The following UBR4 variants were observed in gnomAD, a reference collection of about 807,000 sequenced individuals.
UBR4 encodes E3 ubiquitin-protein ligase UBR4.
A neutral mutation model predicts 575.6 loss-of-function variants in UBR4; 124 were observed. That is an observed-to-expected ratio of 0.22 (90% confidence interval 0.19 to 0.25). The LOEUF is 0.25. Ranked by LOEUF, UBR4 falls within the 10% of genes least tolerant of loss-of-function variation. The pLI is 1.00. For missense variants in UBR4, 4,818 were observed against 6,478.8 expected (o/e 0.74, Z 8.80); for synonymous variants, 2,455 against 2,473.7 (o/e 0.99, Z 0.22).
chr1:19,128,461 G>C, intron 61 of UBR4, 143 bp from the exon 62 acceptor site: 1 of 698,690 alleles, frequency 1.4e-6, no homozygotes, highest in South Asian at 2.1e-5. Context: ...CTAAATTCCA[G>C]GTATCCAAAG....
At chr1:19,190,103 A>G (rs1051963602) in intron 11 of UBR4, among the ~76,000 whole-genome samples, 1 of 151,200 alleles carries the variant, frequency 6.6e-6, no homozygotes, top group African/African-American at 2.4e-5. Flanking sequence ...CCTAGCCAAC[A>G]TGGCGAAACC....
chr1:19,089,079 C>A lies in UBR4; in HGVS notation c.14212-102G>T. 8.8e-7 allele frequency: 1 copy of A among 1,131,480 alleles called. No individual in the cohort carries two copies. Among genetic ancestry groups the A allele is most frequent in the African/African-American group, 1.5e-5 (1 of 64,730 alleles). The allele number at this position is 1,131,480 out of a possible 1,614,324, so 70.1% of individuals were successfully genotyped here. ...GAAACTCAACCAGCATGCACCATCT[C>A]ATGTCACCTGCTCAGCTGCAATCAG... On this transcript the variant is annotated intron_variant, in intron 97 of 105. Coordinates refer to ENST00000375254, the MANE Select transcript of UBR4 (RefSeq NM_020765.3). This position sits in a 1 kb window ranked among gnomAD's most constrained non-coding sequence, Gnocchi z 4.3.
intron 1 of UBR4, among the ~76,000 whole-genome samples, chr1:19,208,922 T>C (rs903485917): frequency 6.6e-6 from 1 of 152,244 alleles, no homozygotes; most frequent in South Asian, 2.1e-4. Context: ...GTAGTATATT[T>C]GAAACCTGTT....
At chr1:19,151,898 G>A in intron 47 of UBR4, 39 bp from the exon 48 acceptor site, 1 of 1,511,994 alleles carries the variant, frequency 6.6e-7, no homozygotes, top group South Asian at 1.3e-5. Context: ...AACTACAGAA[G>A]TTCTTAAGTT....
rs1168120218 is a variant in UBR4 at position 19,164,785 on chromosome 1, TG to T, written c.4511+13del. ...GGTTGCTAGGGAAACACGACAGAAATGTAGTTGTTCTACCTGTTTTCCCGAA... is the reference window on the plus strand; with the variant it reads ...GGTTGCTAGGGAAACACGACAGAAATTAGTTGTTCTACCTGTTTTCCCGAA... On this transcript the variant is annotated intron_variant, in intron 32 of 105. Transcript: ENST00000375254. 6.8e-6 allele frequency: 11 copies of T among 1,611,736 alleles called. No individual in the cohort carries two copies. The highest frequency in any genetic ancestry group is 9.3e-6 in the Non-Finnish European group (11 of 1,178,086).
chr1:19,154,881 A>T (rs2086235928), intron 44 of UBR4, 37 bp downstream of exon 44: 1 of 1,612,236 alleles, frequency 6.2e-7, no homozygotes, highest in African/African-American at 1.3e-5. Flanking sequence ...TTGAATGTGG[A>T]CATTGCGGAA....
rs774842241 is a variant in UBR4, at chr1:19,156,955, T to C, written c.5761-30A>G. ...AAAGGAACAATGACTAATTTATTCC[T>C]ACTCCTGGTCCTCTCAGAGAAGTCA... On this transcript the variant is annotated intron_variant, in intron 40 of 105. Transcript: ENST00000375254. The C allele has an allele frequency of 1.5e-5, 24 of 1,606,268 alleles. No homozygotes were observed. The East Asian group carries it at 4.9e-4, about 33-fold the overall frequency.
intron 11 of UBR4, 143 bp downstream of exon 11, chr1:19,192,045 C>A: frequency 1.3e-6 from 1 of 767,856 alleles, no homozygotes; most frequent in Non-Finnish European, 2.1e-6. Flanking sequence ...GATAACAGGT[C>A]ATGATCATTA....
At chr1:19,128,136 T>C in intron 62 of UBR4, 75 bp downstream of exon 62, 2 of 1,413,050 alleles carry the variant, frequency 1.4e-6, no homozygotes, top group East Asian at 2.3e-5. Flanking sequence ...GAAGTTCCTC[T>C]ATGAAACGAA....
Position 19,164,962 on chromosome 1 carries a change from A to G in UBR4, c.4348T>C (p.Cys1450Arg). The change falls in exon 32 of 106, where the codon TGT (cysteine) becomes CGT (arginine). Residue 1450 changes from cysteine to arginine, a missense_variant. By Grantham distance (180) the Cys-to-Arg change is radical. Around this residue, in one of 29 missense-constraint regions of UBR4, gnomAD observed 1,172 missense variants for 1,259.7 expected, o/e 0.93. Transcript: ENST00000375254. ...CAGGCCAGTTGTGCCAGGGAGCCACAGAGATGCAACAGGCTCGGGTTAGGG... is the reference window on the plus strand; with the variant it reads ...CAGGCCAGTTGTGCCAGGGAGCCACGGAGATGCAACAGGCTCGGGTTAGGG... ...KSPNPSLLHL[C>R]GSLAQLACVE... The G allele has an allele frequency of 3.7e-6, 6 of 1,614,156 alleles. No homozygotes were observed. Among genetic ancestry groups the G allele is most frequent in the Non-Finnish European group, 5.1e-6 (6 of 1,180,026 alleles).
chr1:19,090,869 C>T (rs1043549445), intron 97 of UBR4, among the ~76,000 whole-genome samples: 6 of 152,064 alleles, frequency 3.9e-5, no homozygotes, highest in Non-Finnish European at 8.8e-5. Context: ...CTGAGGGGAG[C>T]GGATCACCTG....
intron 17 of UBR4, among the ~76,000 whole-genome samples, chr1:19,180,509 ACTT>A (rs370392898): frequency 0.013 from 1,880 of 147,512 alleles, 27 homozygotes; most frequent in African/African-American, 0.036. Flanking sequence ...GTCATAAACA[ACTT>A]CTTAATTCCT....
At chr1:19,179,294 A>C in intron 17 of UBR4, 74 bp from the exon 18 acceptor site, 14 of 1,409,686 alleles carry the variant, frequency 9.9e-6, no homozygotes, top group Non-Finnish European at 1.2e-5. Flanking sequence ...TCATGTTCTC[A>C]AACGTTTGTT....
intron 27 of UBR4, among the ~76,000 whole-genome samples, chr1:19,168,842 G>A (rs1331775269): frequency 6.6e-6 from 1 of 152,096 alleles, no homozygotes; most frequent in African/African-American, 2.4e-5. Context: ...GCTGGGCGTG[G>A]TGGTGGGCGC....
intron 7 of UBR4, 23 bp downstream of exon 7, chr1:19,197,647 A>T: frequency 6.2e-7 from 1 of 1,612,998 alleles, no homozygotes; most frequent in Non-Finnish European, 8.5e-7. Context: ...AAAGTAAAGC[A>T]TGTGCACTGT....
chr1:19,210,205 G>T lies in UBR4; in HGVS notation c.44C>A (p.Ala15Glu), dbSNP rs2093251575. 2.1e-6 allele frequency: 3 copies of T among 1,459,730 alleles called. No individual in the cohort carries two copies. The highest frequency in any genetic ancestry group is 5.7e-5 in the East Asian group (2 of 35,392). The allele number at this position is 1,459,730 out of a possible 1,614,324, so 90.4% of individuals were successfully genotyped here. A position where few individuals can be genotyped will look rare whatever the true frequency, so the allele number is the denominator to read the frequency against. ...CGCCCCCGTTGCCGGGGTCCCCGGC[G>T]CCGGAGCCGCTGCCGCCGCCTCTTC... ...GGEEAAAAAP[A>E]PGTPATGADT... The change falls in exon 1 of 106, where the codon GCG becomes GAG. Residue 15 changes from alanine (A) to glutamate (E), a missense_variant. Ala to Glu is a moderately radical substitution (Grantham distance 107, BLOSUM62 -1). Transcript: ENST00000375254.
chr1:19,164,561 A>T, intron 32 of UBR4, 120 bp from the exon 33 acceptor site: 1 of 1,234,162 alleles, frequency 8.1e-7, no homozygotes. Context: ...CCAGCTTTGG[A>T]CTTGGGCTAG....
chr1:19,182,344 A>T (rs2091055527), intron 17 of UBR4, among the ~76,000 whole-genome samples: 1 of 148,914 alleles, frequency 6.7e-6, no homozygotes. Flanking sequence ...TAGTAATTCT[A>T]TTTTTTTTTT....
At chr1:19,186,165 A>T (rs913896206) in intron 14 of UBR4, among the ~76,000 whole-genome samples, 2 of 152,212 alleles carry the variant, frequency 1.3e-5, no homozygotes, top group Non-Finnish European at 2.9e-5. Context: ...AACTATGACT[A>T]TGATAACATC....
Sources: allele counts gnomAD v4.1 joint callset (sites outside exome capture counted in the v4.1 genomes callset), GRCh38; gene constraint gnomAD v4.1.1; regional missense constraint gnomAD v4.1.1; non-coding constraint Gnocchi (gnomAD v3.1); transcripts MANE v1.5; gene names NCBI Gene and HGNC (gene_info 2026-07-23, HGNC 2026-07-21).